Variants in CCDC18 observed in about 807,000 individuals in gnomAD.
The protein encoded by CCDC18 is coiled-coil domain containing 18.
In CCDC18, 157 loss-of-function variants were observed where a neutral mutation model predicts 196.0. The observed-to-expected ratio is 0.80, with a 90% CI of 0.70 to 0.91. CCDC18 has a LOEUF of 0.91. Among genes scored for constraint, CCDC18 ranks in the 40% least tolerant of loss-of-function variants. The pLI, the probability that CCDC18 is intolerant of heterozygous loss-of-function variation, is 0.00. For synonymous variants in CCDC18, 482 were observed against 529.2 expected, an observed-to-expected ratio of 0.91 and a Z score of 1.22; for missense variants, 1,465 against 1,611.6, an observed-to-expected ratio of 0.91 and a Z score of 1.56.
At chr1:93,193,806 T>G in intron 6 of CCDC18, 62 bp downstream of exon 6, 2 of 1,276,854 alleles carry the variant, frequency 1.6e-6, no homozygotes, top group Non-Finnish European at 2.1e-6. Context: ...ATTACCTATT[T>G]AAAATTCTAG....
chr1:93,242,062 A>C (rs1660867053), intron 21 of CCDC18, among the ~76,000 whole-genome samples: 1 of 152,230 alleles, frequency 6.6e-6, no homozygotes, highest in Admixed American at 6.5e-5. Context: ...TTGTACTCAA[A>C]AGGGTTGAAA....
chr1:93,264,767 C>T lies in CCDC18; in HGVS notation c.3751C>T (p.Gln1251Ter), dbSNP rs778252961. The T allele has an allele frequency of 4.3e-6, 7 of 1,612,974 alleles. No individual in the cohort carries two copies. In the East Asian group the frequency reaches 1.6e-4, roughly 36 times the overall value. The change falls in exon 27 of 29, where the codon CAG becomes TAG. Residue 1251 changes from glutamine (Q) to a stop codon, truncating the protein, a stop_gained. Coordinates refer to ENST00000690025, the MANE Select transcript of CCDC18 (RefSeq NM_001378204.1). LOFTEE classifies it high-confidence loss of function. ...TGCTGACTCTCAAAAGTCTTCTGTTCAGCAACTAAACGAACAGTTAGAGAA... is the reference window on the plus strand; with the variant it reads ...TGCTGACTCTCAAAAGTCTTCTGTTTAGCAACTAAACGAACAGTTAGAGAA... ...ISADSQKSSV[Q>*]QLNEQLEKAK...
intron 6 of CCDC18, among the ~76,000 whole-genome samples, chr1:93,201,645 T>TTA (rs1309180224): frequency 1.3e-5 from 2 of 150,230 alleles, no homozygotes; most frequent in Admixed American, 6.7e-5. Flanking sequence ...ACATAAGAAT[T>TTA]TATATATATT....
chr1:93,231,718 T>C (rs570603050), intron 17 of CCDC18, among the ~76,000 whole-genome samples: 61 of 152,318 alleles, frequency 4.0e-4, no homozygotes, highest in African/African-American at 1.4e-3. Flanking sequence ...CCTAAATATA[T>C]AGAGTAATTA....
intron 23 of CCDC18, among the ~76,000 whole-genome samples, chr1:93,247,561 G>A (rs768413408): frequency 9.2e-5 from 14 of 151,878 alleles, no homozygotes; most frequent in Non-Finnish European, 1.5e-4. Flanking sequence ...GACTACAGGC[G>A]TGCACCACCA....
At chr1:93,221,019 CCAGTCTAT>C (rs1657353493) in intron 14 of CCDC18, among the ~76,000 whole-genome samples, 1 of 152,276 alleles carries the variant, frequency 6.6e-6, no homozygotes, top group Non-Finnish European at 1.5e-5. Flanking sequence ...TTTTCTTTAT[CCAGTCTAT>C]CACTGATGGG....
chr1:93,254,941 C>CTTTTTTTTTTTTT lies in CCDC18; in HGVS notation c.3342+344_3342+356dup, dbSNP rs34139452. On this transcript the variant is annotated intron_variant, in intron 24 of 28. Coordinates refer to ENST00000690025, the MANE Select transcript of CCDC18 (RefSeq NM_001378204.1). ...CTATGTAATAGAATTGAGGAGTCAG[C>CTTTTTTTTTTTTT]TTTTTTTTTTTTTTTTTTTTTTTTT... Among the ~76,000 whole-genome samples, 6 of 44,268 alleles carry CTTTTTTTTTTTTT rather than the reference C, an allele frequency of 1.4e-4. 2 individuals carry two copies. The highest frequency in any genetic ancestry group is 1.5e-4 in the Non-Finnish European group (4 of 27,114). 29.0% of individuals were successfully genotyped at this position (44,268 alleles called of 152,430 possible). A position where few individuals can be genotyped will look rare whatever the true frequency, so the allele number is the denominator to read the frequency against.
chr1:93,218,027 C>T (rs996023891), intron 14 of CCDC18, among the ~76,000 whole-genome samples, 158 bp downstream of exon 14: 1 of 152,086 alleles, frequency 6.6e-6, no homozygotes, highest in Non-Finnish European at 1.5e-5. Context: ...TTTTTCAGTG[C>T]TTTAACAGAA....
At chr1:93,229,457 T>C (rs1658909315) in intron 17 of CCDC18, among the ~76,000 whole-genome samples, 1 of 152,212 alleles carries the variant, frequency 6.6e-6, no homozygotes, top group South Asian at 2.1e-4. Context: ...ATAGCTACAT[T>C]TTAGAAAATC....
chr1:93,199,817 G>A (rs74957962), intron 6 of CCDC18: 2,244 of 152,820 alleles, frequency 0.015, 27 homozygotes, highest in Non-Finnish European at 0.023. Context: ...CACAGTCAAT[G>A]CAGCAGTACC....
At chr1:93,179,951 T>A (rs147712174), upstream of CCDC18, 4,641 of 1,302,624 alleles carry the variant, frequency 3.6e-3, 17 homozygotes, top group Admixed American at 5.2e-3. Context: ...CCCTCGCCTC[T>A]TCACCACCAG....
chr1:93,271,470 T>C, intron 28 of CCDC18: 1 of 985,444 alleles, frequency 1.0e-6, no homozygotes, highest in Non-Finnish European at 1.2e-6. Flanking sequence ...GCTTCTCTGC[T>C]TCCTGATTTA....
chr1:93,227,986 A>ATATATATATT (rs1345406064), intron 17 of CCDC18, among the ~76,000 whole-genome samples: 4 of 145,924 alleles, frequency 2.7e-5, no homozygotes, highest in South Asian at 2.1e-4. Flanking sequence ...ATATATATAT[A>ATATATATATT]TATTTATTTA....
At chr1:93,275,027 C>T (rs1426736358) in intron 28 of CCDC18, among the ~76,000 whole-genome samples, 2 of 152,176 alleles carry the variant, frequency 1.3e-5, no homozygotes, top group Non-Finnish European at 2.9e-5. Flanking sequence ...AGTTGCATTA[C>T]CTGTGGTAGT....
intron 17 of CCDC18, 29 bp downstream of exon 17, chr1:93,226,478 A>T (rs953981396): frequency 2.2e-6 from 2 of 917,506 alleles, no homozygotes; most frequent in Non-Finnish European, 3.5e-6. Flanking sequence ...TATATATAGC[A>T]TATATTTCAA....
At chr1:93,227,174 C>CTTTTTTTTT (rs36053002) in intron 17 of CCDC18, among the ~76,000 whole-genome samples, 1 of 103,698 alleles carries the variant, frequency 9.6e-6, no homozygotes, top group African/African-American at 4.3e-5. Context: ...CATTGGAAAC[C>CTTTTTTTTT]TTTTTTTTTT....
At chr1:93,218,575 T>G (rs538119294) in intron 14 of CCDC18, among the ~76,000 whole-genome samples, 3 of 152,028 alleles carry the variant, frequency 2.0e-5, no homozygotes, top group Non-Finnish European at 2.9e-5. Flanking sequence ...AATGGTGTGA[T>G]CTCAGCTCAC....
chr1:93,246,163 C>T lies in CCDC18; in HGVS notation c.3040C>T (p.Leu1014Phe), dbSNP rs565296015. The T allele has an allele frequency of 1.5e-5, 24 of 1,605,770 alleles. No individual in the cohort carries two copies. Among genetic ancestry groups the T allele is most frequent in the African/African-American group, 5.4e-5 (4 of 74,592 alleles). ...KQELLEMDQA[L>F]KERNWELKQR... The stretch of plus-strand genomic sequence containing the variant: ...GGAGCTCCTTGAAATGGATCAGGCA[C>T]TTAAAGAGAGAAATTGGGAACTAAA... The change falls in exon 22 of 29, where the codon CTT (leucine) becomes TTT (phenylalanine). Residue 1014 changes from leucine to phenylalanine, a missense_variant. Physicochemically the swap from Leu to Phe is conservative, Grantham distance 22. Transcript: ENST00000690025.
At chr1:93,269,853 T>G (rs1665059839) in intron 27 of CCDC18, 1 of 152,198 alleles carries the variant, frequency 6.6e-6, no homozygotes, top group Admixed American at 6.5e-5. Flanking sequence ...TTATTAAAAA[T>G]TTATCACTTT....
Sources: allele counts gnomAD v4.1 joint callset (sites outside exome capture counted in the v4.1 genomes callset), GRCh38; gene constraint gnomAD v4.1.1; transcripts MANE v1.5; gene names NCBI Gene and HGNC (gene_info 2026-07-23, HGNC 2026-07-21).